The following DSCAM variants were observed in gnomAD, a reference collection of about 807,000 sequenced individuals.
DSCAM encodes the protein DS cell adhesion molecule.
A neutral mutation model predicts 217.7 loss-of-function variants in DSCAM; 47 were observed. The ratio of observed to expected loss-of-function variants is 0.22; its 90% CI spans 0.17 to 0.28. The LOEUF (loss-of-function observed/expected upper bound fraction) is 0.28, where lower values mean the gene tolerates loss of function less well. Ranked by LOEUF, DSCAM falls within the 10% of genes least tolerant of loss-of-function variation. The pLI is 1.00. For missense variants in DSCAM, 2,080 were observed against 2,618.3 expected (o/e 0.79, Z 4.49); for synonymous variants, 1,056 against 1,015.3 (o/e 1.04, Z -0.76).
intron 3 of DSCAM, among the ~76,000 whole-genome samples, chr21:40,651,785 T>C (rs2837764): frequency 2.6e-5 from 4 of 152,260 alleles, no homozygotes; most frequent in East Asian, 1.9e-4. Context: ...TTTTAGGGAA[T>C]ACATTATGTT....
intron 3 of DSCAM, among the ~76,000 whole-genome samples, chr21:40,656,875 G>A (rs2090082761): frequency 6.6e-6 from 1 of 152,160 alleles, no homozygotes; most frequent in South Asian, 2.1e-4. Flanking sequence ...TAAACTAAAG[G>A]AGATCAAAGT....
intron 4 of DSCAM, among the ~76,000 whole-genome samples, chr21:40,366,179 T>C (rs1365568165): frequency 6.6e-6 from 1 of 152,206 alleles, no homozygotes; most frequent in Non-Finnish European, 1.5e-5. Flanking sequence ...GTAGTCATTA[T>C]GCATTCTTTT....
intron 11 of DSCAM, among the ~76,000 whole-genome samples, chr21:40,205,406 C>G (rs1013242312): frequency 2.0e-5 from 3 of 152,080 alleles, no homozygotes; most frequent in Admixed American, 2.0e-4. Flanking sequence ...AGTTCGAGAC[C>G]AGACCGGCCA....
chr21:40,422,710 A>C (rs1331921605), intron 3 of DSCAM, among the ~76,000 whole-genome samples: 1 of 152,162 alleles, frequency 6.6e-6, no homozygotes, highest in Non-Finnish European at 1.5e-5. Context: ...GTTTTTCTGG[A>C]TTTTCAATAA....
intron 18 of DSCAM, among the ~76,000 whole-genome samples, chr21:40,139,343 T>C (rs2090260522): frequency 6.6e-6 from 1 of 152,000 alleles, no homozygotes; most frequent in Non-Finnish European, 1.5e-5. Context: ...ACGTGAGACA[T>C]CAATCAATAT....
intron 3 of DSCAM, among the ~76,000 whole-genome samples, chr21:40,686,865 T>C (rs965105425): frequency 3.9e-5 from 6 of 152,154 alleles, no homozygotes; most frequent in African/African-American, 1.4e-4. Context: ...CGGGGTAACA[T>C]GCAAAACCTA....
At chr21:40,163,155 C>G (rs898638948) in intron 16 of DSCAM, among the ~76,000 whole-genome samples, 2 of 150,816 alleles carry the variant, frequency 1.3e-5, no homozygotes, top group Non-Finnish European at 1.5e-5. Context: ...AATTTGCATC[C>G]AAAGAGGGTC....
At chr21:40,167,509 T>G (rs528096035) in intron 15 of DSCAM, among the ~76,000 whole-genome samples, 2 of 152,166 alleles carry the variant, frequency 1.3e-5, no homozygotes, top group African/African-American at 4.8e-5. Flanking sequence ...TGGGGACCTA[T>G]CATGGTATTC....
chr21:40,264,706 A>AAATCAG (rs1169652541), intron 11 of DSCAM, among the ~76,000 whole-genome samples: 1 of 152,170 alleles, frequency 6.6e-6, no homozygotes, highest in Non-Finnish European at 1.5e-5. Flanking sequence ...CTAGCCAGAG[A>AAATCAG]AATCAGGAAA....
intron 1 of DSCAM, among the ~76,000 whole-genome samples, chr21:40,792,624 A>G (rs2091656035): frequency 6.6e-6 from 1 of 152,232 alleles, no homozygotes. Flanking sequence ...GAATGAGGAA[A>G]GACAGAATTC....
intron 15 of DSCAM, among the ~76,000 whole-genome samples, chr21:40,176,306 A>G (rs970571751): frequency 1.3e-5 from 2 of 152,084 alleles, no homozygotes; most frequent in Admixed American, 1.3e-4. Flanking sequence ...ACTAAGTGTC[A>G]TTGCAAAGTA....
intron 6 of DSCAM, among the ~76,000 whole-genome samples, chr21:40,346,196 C>T (rs1367408087): frequency 6.6e-6 from 1 of 152,192 alleles, no homozygotes; most frequent in African/African-American, 2.4e-5. Flanking sequence ...ACTGGTTCTG[C>T]ACAAATTGAT....
chr21:40,296,831 C>CAAAAAAAAAAAAAAAAAAAAAA, intron 9 of DSCAM, among the ~76,000 whole-genome samples: 1 of 53,806 alleles, frequency 1.9e-5, no homozygotes, highest in Non-Finnish European at 4.0e-5. Flanking sequence ...AACTCCATCT[C>CAAAAAAAAAAAAAAAAAAAAAA]AAAAAAAAAA....
chr21:40,410,451 C>CAGAAAAAATATTTG lies in DSCAM; in HGVS notation c.509-41220_509-41207dup, dbSNP rs1247583224. On this transcript the variant is annotated intron_variant, in intron 3 of 32. Transcript: ENST00000400454. ...CTATCAGAGGAAAGAAGAGATAGAACAGAAAAAATATTTGAAGGGAGTATT... is the reference window on the plus strand; with the variant it reads ...CTATCAGAGGAAAGAAGAGATAGAACAGAAAAAATATTTGAGAAAAAATATTTGAAGGGAGTATT... Among the ~76,000 whole-genome samples, 11 of 151,694 alleles carry CAGAAAAAATATTTG rather than the reference C, an allele frequency of 7.3e-5. 1 individual carries two copies. The highest frequency in any genetic ancestry group is 2.4e-4 in the African/African-American group (10 of 41,402).
chr21:40,322,770 C>G (rs1231558874), intron 8 of DSCAM, among the ~76,000 whole-genome samples: 2 of 152,148 alleles, frequency 1.3e-5, no homozygotes, highest in African/African-American at 4.8e-5. Context: ...GTTGATTTAC[C>G]CGCCTCGGCC....
At chr21:40,337,917 A>G (rs1426439956) in intron 8 of DSCAM, among the ~76,000 whole-genome samples, 184 bp downstream of exon 8, 9 of 152,206 alleles carry the variant, frequency 5.9e-5, no homozygotes, top group African/African-American at 1.4e-4. Context: ...CAGATCAACT[A>G]AAGTTCCTGT....
chr21:40,135,908 C>T (rs2090203331), intron 18 of DSCAM, among the ~76,000 whole-genome samples: 1 of 152,212 alleles, frequency 6.6e-6, no homozygotes, highest in African/African-American at 2.4e-5. Flanking sequence ...GCCCCTGTGC[C>T]TTCTAGGAGT....
At chr21:40,289,736 G>A (rs8127306) in intron 10 of DSCAM, among the ~76,000 whole-genome samples, 6,338 of 152,198 alleles carry the variant, frequency 0.042, 444 homozygotes, top group African/African-American at 0.14. Flanking sequence ...GTATATGTAG[G>A]GTTTGGTGCT....
intron 1 of DSCAM, among the ~76,000 whole-genome samples, chr21:40,808,757 G>A (rs1457461262): frequency 6.6e-6 from 1 of 152,130 alleles, no homozygotes; most frequent in African/African-American, 2.4e-5. Flanking sequence ...TTACAGGCAT[G>A]TGCCACCATG....
Sources: allele counts gnomAD v4.1 joint callset (sites outside exome capture counted in the v4.1 genomes callset), GRCh38; gene constraint gnomAD v4.1.1; transcripts MANE v1.5; gene names NCBI Gene and HGNC (gene_info 2026-07-23, HGNC 2026-07-21).